The following SLC35D1 variants were observed in gnomAD, a reference collection of about 807,000 sequenced individuals.
SLC35D1 encodes nucleotide sugar transporter SLC35D1.
SLC35D1 carries 31 observed loss-of-function variants against 46.7 expected under a neutral mutation model. The ratio of observed to expected loss-of-function variants is 0.66; its 90% CI spans 0.50 to 0.90. The LOEUF (loss-of-function observed/expected upper bound fraction) is 0.90. SLC35D1 is among the 40% of genes least tolerant of loss of function. SLC35D1 has a pLI of 0.00. For synonymous variants in SLC35D1, 195 were observed against 164.6 expected, an observed-to-expected ratio of 1.18 and a Z score of -1.41; for missense variants, 397 against 426.2, an observed-to-expected ratio of 0.93 and a Z score of 0.60.
intron 11 of SLC35D1, chr1:67,008,594 T>G: frequency 1.7e-6 from 1 of 572,268 alleles, no homozygotes; most frequent in Non-Finnish European, 2.6e-6. Context: ...GATCCACTTT[T>G]GATCTTCAAA....
chr1:67,004,129 TAATTCA>T lies in SLC35D1; in HGVS notation c.*205_*210del, dbSNP rs1667397349. 1 of 536,888 alleles carries T rather than the reference TAATTCA, an allele frequency of 1.9e-6. No individual in the cohort carries two copies. Among genetic ancestry groups the T allele is most frequent in the Admixed American group, 3.0e-5 (1 of 32,904 alleles). The allele number at this position is 536,888 out of a possible 1,614,324, so 33.3% of individuals were successfully genotyped here. On this transcript the variant is annotated 3_prime_UTR_variant, in exon 12 of 12. Coordinates refer to ENST00000235345, the MANE Select transcript of SLC35D1 (RefSeq NM_015139.3). ...GTACCTTTTCCAGTCTGATATAAAT[TAATTCA>T]AACAACATATTTAAAATAGAGTCAA... is the stretch of plus-strand genomic sequence containing the variant.
the SLC35D1 span, chr1:66,985,259 A>G: frequency 1.0e-6 from 1 of 975,374 alleles, no homozygotes; most frequent in Non-Finnish European, 1.2e-6. Flanking sequence ...AAATTTCACT[A>G]CAAGGTAATT....
At chr1:67,023,251 G>A (rs992365090) in intron 8 of SLC35D1, among the ~76,000 whole-genome samples, 3 of 152,118 alleles carry the variant, frequency 2.0e-5, no homozygotes, top group Non-Finnish European at 4.4e-5. Context: ...AAACTGCCAA[G>A]CTGTTTTCCA....
chr1:67,012,701 A>G (rs1443843243), intron 10 of SLC35D1, among the ~76,000 whole-genome samples: 9 of 152,158 alleles, frequency 5.9e-5, no homozygotes, highest in Admixed American at 2.0e-4. Flanking sequence ...CTGACCTAAA[A>G]CAAAGTTAAA....
At chr1:67,006,140 G>A (rs116409566) in intron 11 of SLC35D1, among the ~76,000 whole-genome samples, 6,882 of 152,050 alleles carry the variant, frequency 0.045, 257 homozygotes, top group East Asian at 0.075. Flanking sequence ...GTGAGCCACC[G>A]CGCCTAGCAT....
At chr1:66,973,220 C>T in the SLC35D1 span, among the ~76,000 whole-genome samples, 14 of 152,088 alleles carry the variant, frequency 9.2e-5, no homozygotes, top group East Asian at 2.3e-3. Flanking sequence ...AAGAATTGTA[C>T]TCATTTACAA....
chr1:66,988,666 C>G, the SLC35D1 span: 1 of 152,262 alleles, frequency 6.6e-6, no homozygotes. Context: ...GCTACTTATT[C>G]TGTGAAGAAT....
chr1:67,049,549 G>A (rs1287600109), intron 6 of SLC35D1, among the ~76,000 whole-genome samples: 2 of 152,180 alleles, frequency 1.3e-5, no homozygotes, highest in East Asian at 3.8e-4. Flanking sequence ...CACAACGACA[G>A]TAACAAATTC....
chr1:67,032,135 C>T (rs1298424238), intron 8 of SLC35D1: 1 of 965,746 alleles, frequency 1.0e-6, no homozygotes, highest in African/African-American at 1.8e-5. Context: ...AACAAAGATG[C>T]TTCTTAGGCT....
chr1:67,032,178 A>T, intron 8 of SLC35D1: 1 of 747,154 alleles, frequency 1.3e-6, no homozygotes, highest in Non-Finnish European at 1.6e-6. Context: ...CTTTAGCGCT[A>T]CAGGTGCCAG....
In SLC35D1 at chr1:67,047,325, C is replaced by G; in HGVS notation, c.576G>C (p.Leu192=). The G allele has an allele frequency of 6.2e-7, 1 of 1,613,356 alleles. No homozygotes were observed. Among genetic ancestry groups the G allele is most frequent in the Non-Finnish European group, 8.5e-7 (1 of 1,179,874 alleles). The change falls in exon 7 of 12, where the codon CTG becomes CTC. Residue 192 remains leucine, a synonymous_variant. Coordinates refer to ENST00000235345, the MANE Select transcript of SLC35D1 (RefSeq NM_015139.3). ...TTGCTGCTGTTAGGACATCGTTTAT[C>G]AGAATAAAAGCATATCCTTCCAGAT... ...AFDLEGYAFI[L]INDVLTAANG... is the part of the protein sequence containing the mutation.
intron 8 of SLC35D1, chr1:67,032,211 T>A: frequency 2.6e-6 from 1 of 381,122 alleles, no homozygotes; most frequent in Non-Finnish European, 3.6e-6. Flanking sequence ...ACCCCAGGAG[T>A]GAAAACAATG....
chr1:66,980,731 G>A, the SLC35D1 span, among the ~76,000 whole-genome samples: 1 of 151,740 alleles, frequency 6.6e-6, no homozygotes, highest in African/African-American at 2.4e-5. Context: ...CACAACTTAG[G>A]TACCAGTGGT....
At chr1:67,043,327 G>A (rs1221929670) in intron 7 of SLC35D1, among the ~76,000 whole-genome samples, 1 of 152,006 alleles carries the variant, frequency 6.6e-6, no homozygotes, top group African/African-American at 2.4e-5. Context: ...GAACGAGATT[G>A]TGCCCCTGTA....
chr1:67,015,150 T>C (rs1460224043), intron 10 of SLC35D1, among the ~76,000 whole-genome samples: 2 of 81,810 alleles, frequency 2.4e-5, no homozygotes, highest in Non-Finnish European at 4.5e-5. Context: ...CACATAAAAA[T>C]GTGTTTTTGT....
At chr1:67,053,218 A>C (rs1348641377) in intron 1 of SLC35D1, among the ~76,000 whole-genome samples, 3 of 151,890 alleles carry the variant, frequency 2.0e-5, no homozygotes, top group Admixed American at 6.6e-5. Flanking sequence ...CCGAGTCTAC[A>C]GTTTCAGTCC....
chr1:66,993,414 C>T, the SLC35D1 span, among the ~76,000 whole-genome samples: 2 of 152,182 alleles, frequency 1.3e-5, no homozygotes, highest in Admixed American at 1.3e-4. Flanking sequence ...CCTCTTGTAT[C>T]TTCTGCGCAC....
At chr1:67,048,069 G>C (rs1645269918) in intron 6 of SLC35D1, among the ~76,000 whole-genome samples, 1 of 152,176 alleles carries the variant, frequency 6.6e-6, no homozygotes, top group Non-Finnish European at 1.5e-5. Flanking sequence ...AGCTAAAATA[G>C]TGGCTGCACA....
At chr1:66,975,884 G>C in the SLC35D1 span, among the ~76,000 whole-genome samples, 1 of 152,126 alleles carries the variant, frequency 6.6e-6, no homozygotes, top group Non-Finnish European at 1.5e-5. Context: ...TTTCAAAAGG[G>C]AATTTAAAGA....
Sources: gnomAD v4.1 joint callset for allele counts (sites outside exome capture counted in the v4.1 genomes callset) on GRCh38, gnomAD v4.1.1 for gene constraint, MANE v1.5 for transcripts, NCBI Gene and HGNC (gene_info 2026-07-23, HGNC 2026-07-21) for gene names.